PIEZO1: variants seen among roughly 807,000 people sequenced by gnomAD.
The protein encoded by PIEZO1 is piezo type mechanosensitive ion channel component 1 (Er blood group), also known as piezo-type mechanosensitive ion channel component 1.
Under a neutral mutation model 297.2 loss-of-function variants are expected in PIEZO1, and 296 were observed. The ratio of observed to expected loss-of-function variants is 1.00; its 90% CI spans 0.91 to 1.10. The LOEUF (loss-of-function observed/expected upper bound fraction) is 1.10. Among genes scored for constraint, PIEZO1 ranks in the 50% least tolerant of loss-of-function variants. PIEZO1 has a pLI of 0.00. For missense variants in PIEZO1, 5,018 were observed against 3,455.5 expected (o/e 1.45, Z -11.34); for synonymous variants, 2,427 against 1,507.5 (o/e 1.61, Z -14.13).
rs948520012 is a variant in PIEZO1, at chr16:88,736,309, A to C, written c.1396T>G (p.Cys466Gly). The change falls in exon 12 of 51, where the codon TGC becomes GGC. Residue 466 changes from cysteine to glycine, a missense_variant. Physicochemically the swap from Cys to Gly is radical, Grantham distance 159. Transcript: ENST00000301015. ...VRSRHQLAMLCSPCILLYGMT... is the reference protein window; with the variant it reads ...VRSRHQLAMLGSPCILLYGMT... ...CCATACAGCAGGATGCAGGGCGAGC[A>C]CAGCATGGCCAGTTGGTGGCGGCTG... 6.5e-7 allele frequency: 1 copy of C among 1,550,242 alleles called. No homozygotes were observed. The highest frequency in any genetic ancestry group is 8.7e-7 in the Non-Finnish European group (1 of 1,146,866).
chr16:88,731,932 GT>G, intron 21 of PIEZO1, 22 bp from the exon 22 acceptor site: 1 of 1,464,742 alleles, frequency 6.8e-7, no homozygotes, highest in Non-Finnish European at 9.3e-7. Context: ...AGAGGGCGGG[GT>G]GTGGGGATGC....
intron 22 of PIEZO1, 157 bp from the exon 23 acceptor site, chr16:88,727,818 C>A: frequency 4.6e-6 from 2 of 438,062 alleles, no homozygotes; most frequent in Non-Finnish European, 8.1e-6. Flanking sequence ...GCTCTAGTGT[C>A]CTGTGTGTTC....
At chr16:88,730,969 A>G (rs1436037277) in intron 22 of PIEZO1, among the ~76,000 whole-genome samples, 1 of 152,258 alleles carries the variant, frequency 6.6e-6, no homozygotes, top group Non-Finnish European at 1.5e-5. Context: ...GCTGGGTGCC[A>G]CTGTGGGGCA....
chr16:88,749,199 CA>C (rs1334713446), intron 2 of PIEZO1, among the ~76,000 whole-genome samples, 184 bp downstream of exon 2: 2 of 151,594 alleles, frequency 1.3e-5, no homozygotes, highest in African/African-American at 2.4e-5. Context: ...GAGATCGCGC[CA>C]CTGCACTCCA....
intron 1 of PIEZO1, among the ~76,000 whole-genome samples, chr16:88,750,896 C>T (rs953617495): frequency 6.6e-6 from 1 of 151,976 alleles, no homozygotes; most frequent in Admixed American, 6.6e-5. Flanking sequence ...CTCAGGACCC[C>T]GGTCAGGAGG....
chr16:88,757,069 C>T (rs1906699276), intron 1 of PIEZO1, among the ~76,000 whole-genome samples: 1 of 152,168 alleles, frequency 6.6e-6, no homozygotes, highest in Non-Finnish European at 1.5e-5. Flanking sequence ...GAGCGAGACT[C>T]CGTCTCAAAA....
intron 1 of PIEZO1, among the ~76,000 whole-genome samples, chr16:88,783,468 G>A (rs1474141769): frequency 4.6e-5 from 7 of 152,220 alleles, no homozygotes; most frequent in Admixed American, 2.0e-4. Flanking sequence ...GAGGACACCC[G>A]CTCCCACTCA....
Position 88,720,212 on chromosome 16 carries a change from C to T in PIEZO1, c.6021G>A (p.Met2007Ile). 6.4e-7 allele frequency: 1 copy of T among 1,550,592 alleles called. No homozygotes were observed. The highest frequency in any genetic ancestry group is 2.4e-5 in the East Asian group (1 of 40,918). The change falls in exon 42 of 51, where the codon ATG (methionine) becomes ATA (isoleucine). Residue 2007 changes from methionine (M) to isoleucine (I), a missense_variant. By Grantham distance (10) the Met-to-Ile change is conservative. Coordinates refer to ENST00000301015, the MANE Select transcript of PIEZO1 (RefSeq NM_001142864.4). ...DDQVPEAFLV[M>I]LLIQFSTMVV... Reference sequence around the variant, plus strand: ...CCATGGTACTGAACTGGATCAGCAGCATGACCAGGAAAGCCTCGGGTACCT... The same window carrying T: ...CCATGGTACTGAACTGGATCAGCAGTATGACCAGGAAAGCCTCGGGTACCT...
In PIEZO1 at chr16:88,738,383, C is replaced by T; in HGVS notation, c.692G>A (p.Cys231Tyr). 1 of 1,535,836 alleles carries T rather than the reference C, an allele frequency of 6.5e-7. No individual in the cohort carries two copies. Among genetic ancestry groups the T allele is most frequent in the Middle Eastern group, 1.7e-4 (1 of 5,986 alleles). Residue 231 changes from cysteine to tyrosine, a missense_variant, in exon 7 of 51, where the codon TGC becomes TAC. Transcript: ENST00000301015. ...GGGAAAGTGGCAGGCCCACCAGGTG[C>T]AGAGGGCCAGGAAGAGCAGCAGGTA... ...SVYLLLFLAL[C>Y]TWWACHFPIS...
At position 88,737,551 on chromosome 16, in the gene PIEZO1, G is replaced by A; in HGVS notation, c.1195+8C>T. 1 of 1,524,936 alleles carries A rather than the reference G, an allele frequency of 6.6e-7. No individual in the cohort carries two copies. The highest frequency in any genetic ancestry group is 8.8e-7 in the Non-Finnish European group (1 of 1,138,696). The allele number at this position is 1,524,936 out of a possible 1,614,324, so 94.5% of individuals were successfully genotyped here. On this transcript the variant is annotated splice_region_variant and intron_variant, in intron 10 of 50. Transcript: ENST00000301015. ...ACCCAGCCATACCTTGCAGTGTGCGGTACTCACCAGGCCGCCGCAGGACGG... is the reference window on the plus strand; with the variant it reads ...ACCCAGCCATACCTTGCAGTGTGCGATACTCACCAGGCCGCCGCAGGACGG...
intron 1 of PIEZO1, among the ~76,000 whole-genome samples, chr16:88,750,461 C>A (rs893349082): frequency 6.6e-6 from 1 of 152,276 alleles, no homozygotes; most frequent in Non-Finnish European, 1.5e-5. Flanking sequence ...TGGCCGCACT[C>A]GCCACAGCCC....
intron 22 of PIEZO1, chr16:88,727,909 G>C (rs1005597495): frequency 1.5e-5 from 5 of 332,558 alleles, no homozygotes; most frequent in Non-Finnish European, 2.7e-5. Context: ...CACGGGGGTG[G>C]GGGCTGCTGG....
In PIEZO1 at chr16:88,716,024, G is replaced by A; in HGVS notation, c.7225C>T (p.Gln2409Ter). Reference sequence around the variant, plus strand: ...AGGTTGCAGTCGGTCCGGCACTCCTGCAGCTCGATGACCCACCATTCGAGG... The same window carrying A: ...AGGTTGCAGTCGGTCCGGCACTCCTACAGCTCGATGACCCACCATTCGAGG... ...GFLEWWVIEL[Q>*]ECRTDCNLLP... is the part of the protein sequence containing the mutation. Residue 2409 changes from glutamine to a stop codon, truncating the protein, a stop_gained, in exon 50 of 51, where the codon CAG becomes TAG. Coordinates refer to ENST00000301015, the MANE Select transcript of PIEZO1 (RefSeq NM_001142864.4). LOFTEE classifies it high-confidence loss of function. 6.5e-7 allele frequency: 1 copy of A among 1,550,244 alleles called. No homozygotes were observed. The highest frequency in any genetic ancestry group is 8.7e-7 in the Non-Finnish European group (1 of 1,146,928).
At chr16:88,732,258 G>T in intron 21 of PIEZO1, 77 bp downstream of exon 21, 1 of 1,311,072 alleles carries the variant, frequency 7.6e-7, no homozygotes, top group South Asian at 1.3e-5. Context: ...CAGGCTTGCG[G>T]TGCCTGCACG....
At chr16:88,735,295 T>C in intron 12 of PIEZO1, 49 bp from the exon 13 acceptor site, 1 of 1,335,908 alleles carries the variant, frequency 7.5e-7, no homozygotes, top group South Asian at 1.3e-5. Context: ...CCAGCACCCC[T>C]CCCACAGCCG....
chr16:88,772,598 G>T lies in PIEZO1; in HGVS notation c.64+12303C>A, dbSNP rs184033852. 2.0e-5 allele frequency among the ~76,000 whole-genome samples: 3 copies of T among 152,208 alleles called. No homozygotes were observed. The East Asian group carries it at 5.8e-4, about 29-fold the overall frequency. ...GATCAAGACCATCCTGGACAACATG[G>T]TAAAACCCCGTCTCTACTAAAAATA... On this transcript the variant is annotated intron_variant, in intron 1 of 50. Coordinates refer to ENST00000301015, the MANE Select transcript of PIEZO1 (RefSeq NM_001142864.4).
At chr16:88,749,298 G>T in intron 2 of PIEZO1, 86 bp downstream of exon 2, 2 of 853,134 alleles carry the variant, frequency 2.3e-6, no homozygotes, top group Non-Finnish European at 3.4e-6. Context: ...GCTGTTAAAG[G>T]TGAGGAAAGC....
rs973644866 is a variant in PIEZO1, at chr16:88,737,550, G to A, written c.1195+9C>T. On this transcript the variant is annotated intron_variant, in intron 10 of 50. Coordinates refer to ENST00000301015, the MANE Select transcript of PIEZO1 (RefSeq NM_001142864.4). ...CACCCAGCCATACCTTGCAGTGTGC[G>A]GTACTCACCAGGCCGCCGCAGGACG... The A allele has an allele frequency of 8.3e-5, 126 of 1,523,274 alleles. No homozygotes were observed. Among genetic ancestry groups the A allele is most frequent in the Non-Finnish European group, 9.9e-5 (113 of 1,137,324 alleles). The allele number at this position is 1,523,274 out of a possible 1,614,324, so 94.4% of individuals were successfully genotyped here.
intron 1 of PIEZO1, among the ~76,000 whole-genome samples, chr16:88,762,846 T>C (rs1417386712): frequency 1.3e-5 from 2 of 152,256 alleles, no homozygotes; most frequent in East Asian, 1.9e-4. Flanking sequence ...AGCCACAAGG[T>C]GGTCCCTCGG....
Sources: gnomAD v4.1 joint callset for allele counts (sites outside exome capture counted in the v4.1 genomes callset) on GRCh38, gnomAD v4.1.1 for gene constraint, MANE v1.5 for transcripts, NCBI Gene and HGNC (gene_info 2026-07-23, HGNC 2026-07-21) for gene names.